Variants in ARMC8 observed in about 807,000 individuals in gnomAD.
ARMC8 encodes armadillo repeat containing 8.
A neutral mutation model predicts 99.3 loss-of-function variants in ARMC8; 20 were observed. That is an observed-to-expected ratio of 0.20 (90% CI 0.14 to 0.29). The LOEUF is 0.29. ARMC8 is among the 10% of genes least tolerant of loss of function. The pLI is 1.00. For synonymous variants in ARMC8, 263 were observed against 278.3 expected (o/e 0.95, Z 0.55); for missense variants, 569 against 809.5 (o/e 0.70, Z 3.60).
intron 19 of ARMC8, chr3:138,287,539 T>C: frequency 2.4e-6 from 1 of 418,960 alleles, no homozygotes; most frequent in Non-Finnish European, 4.9e-6. Flanking sequence ...AAATGCATAT[T>C]TGTTATAGTA....
intron 8 of ARMC8, 35 bp from the exon 9 acceptor site, chr3:138,237,447 A>C (rs2046389525): frequency 6.2e-7 from 1 of 1,611,358 alleles, no homozygotes; most frequent in African/African-American, 1.3e-5. Context: ...GATTTAAAGA[A>C]TTTCCTTAAT....
intron 1 of ARMC8, 51 bp downstream of exon 1, chr3:138,187,650 G>T: frequency 6.6e-7 from 1 of 1,526,046 alleles, no homozygotes; most frequent in African/African-American, 1.4e-5. Context: ...GCCTCATCCC[G>T]GTCTCCACCA....
In ARMC8 at chr3:138,284,666, T is replaced by C; in HGVS notation, c.1821+140T>C. The C allele has an allele frequency of 6.2e-6, 4 of 646,784 alleles. No individual in the cohort carries two copies. The South Asian group carries it at 8.9e-5, about 14-fold the overall frequency. The allele number at this position is 646,784 out of a possible 1,614,324, so 40.1% of individuals were successfully genotyped here. ...ACTCCTCAGATTCAAAGAACTCTCT[T>C]CCATCCTGAAGAAAAAGAAAAAAAC... On this transcript the variant is annotated intron_variant, in intron 19 of 21. Coordinates refer to ENST00000469044, the MANE Select transcript of ARMC8 (RefSeq NM_001363941.2).
intron 2 of ARMC8, among the ~76,000 whole-genome samples, chr3:138,210,254 T>C (rs1392143989): frequency 6.6e-6 from 1 of 152,210 alleles, no homozygotes; most frequent in Non-Finnish European, 1.5e-5. Context: ...TTTTTTGTTT[T>C]GCTTTGTTTT....
intron 9 of ARMC8, 125 bp downstream of exon 9, chr3:138,237,697 A>G: frequency 1.4e-6 from 1 of 729,112 alleles, no homozygotes; most frequent in Non-Finnish European, 2.2e-6. Context: ...TTTGAAAGTC[A>G]GGAGTCCATC....
intron 16 of ARMC8, among the ~76,000 whole-genome samples, 177 bp from the exon 17 acceptor site, chr3:138,272,790 T>C (rs1322593055): frequency 6.6e-6 from 1 of 152,140 alleles, no homozygotes; most frequent in African/African-American, 2.4e-5. Context: ...CAGAATTGCT[T>C]GAACCCGGGA....
chr3:138,274,798 C>A (rs936210601), intron 18 of ARMC8, among the ~76,000 whole-genome samples: 1 of 152,208 alleles, frequency 6.6e-6, no homozygotes, highest in Non-Finnish European at 1.5e-5. Context: ...CCTGTCTCTA[C>A]AGGAGCAGTC....
Position 138,296,099 on chromosome 3 carries a change from T to G in ARMC8, c.*207T>G. Reference sequence around the variant, plus strand: ...AATTTCCTCAGAAGACTCTTGTGTTTTGTTTTGGTTTTTTTTTCTGAGCTA... The same window carrying G: ...AATTTCCTCAGAAGACTCTTGTGTTGTGTTTTGGTTTTTTTTTCTGAGCTA... On this transcript the variant is annotated 3_prime_UTR_variant, in exon 22 of 22. Coordinates refer to ENST00000469044, the MANE Select transcript of ARMC8 (RefSeq NM_001363941.2). The G allele has an allele frequency of 2.0e-6, 1 of 506,192 alleles. No individual in the cohort carries two copies. Among genetic ancestry groups the G allele is most frequent in the Non-Finnish European group, 3.4e-6 (1 of 290,172 alleles). 31.4% of individuals were successfully genotyped at this position (506,192 alleles called of 1,614,324 possible). A position where few individuals can be genotyped will look rare whatever the true frequency, so the allele number is the denominator to read the frequency against.
chr3:138,243,045 C>T (rs2046701253), intron 11 of ARMC8, among the ~76,000 whole-genome samples: 1 of 152,150 alleles, frequency 6.6e-6, no homozygotes, highest in South Asian at 2.1e-4. Flanking sequence ...TTTTTTCACA[C>T]TGACACTGTA....
chr3:138,265,951 G>A (rs1390088691), intron 14 of ARMC8, among the ~76,000 whole-genome samples: 1 of 152,192 alleles, frequency 6.6e-6, no homozygotes, highest in African/African-American at 2.4e-5. Context: ...TGGAAGGAAT[G>A]ATAGATTGAG....
Position 138,273,104 on chromosome 3 carries a change from C to T in ARMC8, c.1617C>T (p.Leu539=), listed in dbSNP as rs774698014. The T allele has an allele frequency of 3.1e-6, 5 of 1,606,646 alleles. No individual in the cohort carries two copies. Among genetic ancestry groups the T allele is most frequent in the Non-Finnish European group, 3.4e-6 (4 of 1,177,622 alleles). The change falls in exon 17 of 22, where the codon CTC becomes CTT. Residue 539 remains leucine, a synonymous_variant. Coordinates refer to ENST00000469044, the MANE Select transcript of ARMC8 (RefSeq NM_001363941.2). ...CATTGGGACTTCTTAGAAATCTCCT[C>T]TCCACTCGTCCTGTAAGTAAAATCA... ...MKTLGLLRNL[L]STRPHIDKIM... is the part of the protein sequence containing the mutation.
chr3:138,189,034 T>A (rs1234164202), intron 1 of ARMC8, among the ~76,000 whole-genome samples: 1 of 152,182 alleles, frequency 6.6e-6, no homozygotes, highest in East Asian at 1.9e-4. Context: ...AAATAGTATG[T>A]GTCTTGGCTG....
At chr3:138,244,392 C>T (rs1470607098) in intron 11 of ARMC8, among the ~76,000 whole-genome samples, 1 of 152,168 alleles carries the variant, frequency 6.6e-6, no homozygotes, top group African/African-American at 2.4e-5. Context: ...ATTCTCCCGC[C>T]TCAGCCTCCC....
At chr3:138,229,196 GTA>G (rs2045906217) in intron 6 of ARMC8, 186 bp downstream of exon 6, 2 of 80,296 alleles carry the variant, frequency 2.5e-5, no homozygotes, top group South Asian at 8.9e-4. Flanking sequence ...ATATGTATAT[GTA>G]TATGTATATA....
chr3:138,220,510 T>G (rs1055268790), intron 2 of ARMC8, among the ~76,000 whole-genome samples: 5 of 152,168 alleles, frequency 3.3e-5, no homozygotes, highest in African/African-American at 1.2e-4. Flanking sequence ...AAAATGCCAT[T>G]CAGAAACTTG....
At chr3:138,243,015 G>A (rs905942569) in intron 11 of ARMC8, among the ~76,000 whole-genome samples, 2 of 152,094 alleles carry the variant, frequency 1.3e-5, no homozygotes, top group African/African-American at 4.8e-5. Flanking sequence ...CAGTTGCCTT[G>A]TCTGTTTTCC....
intron 1 of ARMC8, among the ~76,000 whole-genome samples, chr3:138,197,212 G>A (rs2043788314): frequency 6.6e-6 from 1 of 152,188 alleles, no homozygotes; most frequent in Non-Finnish European, 1.5e-5. Flanking sequence ...TGACAGGTCA[G>A]GTCTGACAGA....
chr3:138,224,883 A>G (rs899161486), intron 5 of ARMC8, among the ~76,000 whole-genome samples: 2 of 152,210 alleles, frequency 1.3e-5, no homozygotes, highest in Non-Finnish European at 2.9e-5. Flanking sequence ...GGAATTTACA[A>G]GCTATTTTTA....
intron 20 of ARMC8, 72 bp from the exon 21 acceptor site, chr3:138,290,474 G>T: frequency 8.8e-7 from 1 of 1,129,944 alleles, no homozygotes. Flanking sequence ...TAAGGCTCTA[G>T]ATTGTTAATT....
Sources: gnomAD v4.1 joint callset for allele counts (sites outside exome capture counted in the v4.1 genomes callset) on GRCh38, gnomAD v4.1.1 for gene constraint, MANE v1.5 for transcripts, NCBI Gene and HGNC (gene_info 2026-07-23, HGNC 2026-07-21) for gene names.